Variants in EYS observed in about 807,000 individuals in gnomAD.
EYS encodes protein eyes shut homolog.
In EYS, 250 loss-of-function variants were observed where a neutral mutation model predicts 282.1. That is an observed-to-expected ratio of 0.89 (90% confidence interval 0.80 to 0.98). EYS has a LOEUF of 0.98. EYS is among the 50% of genes least tolerant of loss of function. EYS has a pLI of 0.00. For synonymous variants in EYS, 1,355 were observed against 1,282.9 expected (o/e 1.06, Z -1.20); for missense variants, 4,016 against 3,709.0 (o/e 1.08, Z -2.15).
At chr6:63,984,347 G>A (rs534836839) in intron 35 of EYS, 36 bp downstream of exon 35, 19 of 1,389,262 alleles carry the variant, frequency 1.4e-5, no homozygotes, top group Admixed American at 5.9e-5. Flanking sequence ...TTGGAGTCAT[G>A]TAACGTAGGT....
At chr6:65,596,937 G>A (rs1191573247) in intron 2 of EYS, among the ~76,000 whole-genome samples, 1 of 151,944 alleles carries the variant, frequency 6.6e-6, no homozygotes, top group Non-Finnish European at 1.5e-5. Flanking sequence ...AGTCCTTCAA[G>A]GACATCATTA....
intron 14 of EYS, among the ~76,000 whole-genome samples, chr6:64,995,222 G>A (rs528677069): frequency 6.6e-6 from 1 of 152,174 alleles, no homozygotes; most frequent in Admixed American, 6.6e-5. Flanking sequence ...AGCTTCCTTG[G>A]TTGGTTACAC....
intron 30 of EYS, among the ~76,000 whole-genome samples, chr6:64,266,754 C>A (rs1767771919): frequency 6.6e-6 from 1 of 152,136 alleles, no homozygotes; most frequent in Non-Finnish European, 1.5e-5. Context: ...GAGTCACCAG[C>A]ATTACTCTCT....
intron 5 of EYS, among the ~76,000 whole-genome samples, chr6:65,460,710 C>T (rs1005027394): frequency 6.6e-6 from 1 of 151,914 alleles, no homozygotes; most frequent in Non-Finnish European, 1.5e-5. Context: ...GGTGTTTTGG[C>T]CTGAACAAAT....
Position 65,696,417 on chromosome 6 carries a change from C to T in EYS, c.-448+10718G>A, listed in dbSNP as rs540131879. Among the ~76,000 whole-genome samples, 16 of 152,034 alleles carry T rather than the reference C, an allele frequency of 1.1e-4. 2 individuals carry two copies. Among genetic ancestry groups the T allele is most frequent in the African/African-American group, 3.6e-4 (15 of 41,526 alleles). On this transcript the variant is annotated intron_variant, in intron 1 of 42. Coordinates refer to ENST00000503581, the MANE Select transcript of EYS (RefSeq NM_001142800.2). ...AGACAACTTTTGAAGTTAGTAACTT[C>T]GAGCTGATTTTAATCATTTATTTTG...
intron 4 of EYS, among the ~76,000 whole-genome samples, chr6:65,492,332 G>GACAAAC (rs1554202567): frequency 6.7e-6 from 1 of 149,808 alleles, no homozygotes; most frequent in African/African-American, 2.5e-5. Context: ...AAGAAAGAAA[G>GACAAAC]AAACAAACAA....
intron 33 of EYS, among the ~76,000 whole-genome samples, chr6:64,019,493 C>A (rs1472137155): frequency 6.6e-5 from 10 of 151,886 alleles, no homozygotes; most frequent in Admixed American, 1.3e-4. Flanking sequence ...TTGCTACAAC[C>A]CCTGTCTCCT....
intron 33 of EYS, among the ~76,000 whole-genome samples, chr6:64,051,082 G>A (rs1315600578): frequency 6.6e-6 from 1 of 152,152 alleles, no homozygotes; most frequent in Non-Finnish European, 1.5e-5. Flanking sequence ...AGGAAGGTGA[G>A]GATTTCCCAA....
chr6:64,191,484 C>CA (rs998920477), intron 31 of EYS, among the ~76,000 whole-genome samples: 4 of 146,824 alleles, frequency 2.7e-5, no homozygotes, highest in African/African-American at 9.8e-5. Flanking sequence ...CCTTCCCCCC[C>CA]CACCCCAAAA....
At chr6:65,043,537 A>G (rs1773002972) in intron 13 of EYS, among the ~76,000 whole-genome samples, 1 of 151,278 alleles carries the variant, frequency 6.6e-6, no homozygotes, top group Admixed American at 6.6e-5. Flanking sequence ...AACAATTCCT[A>G]ATTCCCTCCT....
At chr6:63,778,519 ATTAAC>A (rs890002680) in intron 39 of EYS, among the ~76,000 whole-genome samples, 7 of 152,168 alleles carry the variant, frequency 4.6e-5, no homozygotes, top group Admixed American at 4.6e-4. Context: ...CATAAATAAC[ATTAAC>A]TTTTTTCTTG....
At chr6:65,010,837 T>G (rs1331698321) in intron 13 of EYS, among the ~76,000 whole-genome samples, 1 of 152,124 alleles carries the variant, frequency 6.6e-6, no homozygotes, top group South Asian at 2.1e-4. Context: ...AGGGAACACC[T>G]ATCAAACATC....
At chr6:64,151,311 G>GTGTATA (rs1774698602) in intron 31 of EYS, among the ~76,000 whole-genome samples, 5 of 87,170 alleles carry the variant, frequency 5.7e-5, no homozygotes, top group Admixed American at 4.4e-4. Flanking sequence ...GTGTGTGTGT[G>GTGTATA]TATATTTATA....
rs141603172 is a variant in EYS, at chr6:64,081,975, T to C, written c.6452A>G (p.Asn2151Ser). The C allele has an allele frequency of 2.0e-3, 3,121 of 1,543,912 alleles. 53 individuals carry two copies. The African/African-American group carries it at 0.037, about 18-fold the overall frequency. ...GGGCAGTTCTAAATAGGAATTCCCATTGAAAGATGGAAAGAATAAACCTGC... is the reference window on the plus strand; with the variant it reads ...GGGCAGTTCTAAATAGGAATTCCCACTGAAAGATGGAAAGAATAAACCTGC... ...KDAGLFFPSF[N>S]GNSYLELPFL... The change falls in exon 32 of 43, where the codon AAT (asparagine) becomes AGT (serine). Residue 2151 changes from asparagine to serine, a missense_variant. Physicochemically the swap from Asn to Ser is conservative, Grantham distance 46. Transcript: ENST00000503581.
rs2150022688 is a variant in EYS, at chr6:64,822,688, C to T, written c.3127G>A (p.Ala1043Thr). The T allele has an allele frequency of 2.6e-6, 4 of 1,545,176 alleles. No individual in the cohort carries two copies. The highest frequency in any genetic ancestry group is 2.4e-5 in the South Asian group (2 of 81,800). Residue 1043 changes from alanine to threonine, a missense_variant, in exon 20 of 43, where the codon GCC becomes ACC. Physicochemically the swap from Ala to Thr is moderately conservative, Grantham distance 58. Coordinates refer to ENST00000503581, the MANE Select transcript of EYS (RefSeq NM_001142800.2). The stretch of plus-strand genomic sequence containing the variant: ...CAAGGATTTGAAAGGCAATCATTGG[C>T]GTTTGTTTCACAGTGTGTTCCAAAA... ...GFFGTHCETN[A>T]NDCLSNPCLH... is the part of the protein sequence containing the mutation.
chr6:64,491,106 T>G (rs188490431), intron 26 of EYS, among the ~76,000 whole-genome samples: 246 of 151,022 alleles, frequency 1.6e-3, no homozygotes, highest in Non-Finnish European at 2.8e-3. Flanking sequence ...TGGATAATAA[T>G]AAGAAGAAGA....
intron 12 of EYS, among the ~76,000 whole-genome samples, chr6:65,253,235 C>A (rs923166729): frequency 6.6e-6 from 1 of 151,964 alleles, no homozygotes; most frequent in Non-Finnish European, 1.5e-5. Flanking sequence ...TGCTGTTGGA[C>A]TCCCACATAA....
chr6:64,386,162 A>G (rs945037923), intron 29 of EYS, among the ~76,000 whole-genome samples: 1 of 152,206 alleles, frequency 6.6e-6, no homozygotes, highest in Admixed American at 6.5e-5. Flanking sequence ...CAGCAGGAAC[A>G]CACACAAAGG....
intron 33 of EYS, among the ~76,000 whole-genome samples, 155 bp downstream of exon 33, chr6:64,066,183 C>G (rs907271694): frequency 2.0e-5 from 3 of 152,126 alleles, no homozygotes; most frequent in Non-Finnish European, 4.4e-5. Flanking sequence ...GAGGTTGAGG[C>G]AGGAGAATCG....
Sources: gnomAD v4.1 joint callset for allele counts (sites outside exome capture counted in the v4.1 genomes callset) on GRCh38, gnomAD v4.1.1 for gene constraint, MANE v1.5 for transcripts, NCBI Gene and HGNC (gene_info 2026-07-23, HGNC 2026-07-21) for gene names.